SLC9A9: variants seen among roughly 807,000 people sequenced by gnomAD.
SLC9A9 encodes the protein solute carrier family 9 member A9, also known as sodium/hydrogen exchanger 9.
In SLC9A9, 62 loss-of-function variants were observed where a neutral mutation model predicts 77.8. That is an observed-to-expected ratio of 0.80 (90% CI 0.65 to 0.98). The LOEUF (loss-of-function observed/expected upper bound fraction) is 0.98, where lower values mean the gene tolerates loss of function less well. Among genes scored for constraint, SLC9A9 ranks in the 50% least tolerant of loss-of-function variants. SLC9A9 has a pLI of 0.00. For missense variants in SLC9A9, 775 were observed against 774.9 expected, an observed-to-expected ratio of 1.00 and a Z score of 0.00; for synonymous variants, 320 against 283.5, an observed-to-expected ratio of 1.13 and a Z score of -1.29.
At chr3:143,436,265 C>T (rs1216340188) in intron 12 of SLC9A9, among the ~76,000 whole-genome samples, 2 of 152,180 alleles carry the variant, frequency 1.3e-5, no homozygotes, top group East Asian at 1.9e-4. Context: ...GCAGGGTCAC[C>T]GCATGACCTC....
intron 14 of SLC9A9, among the ~76,000 whole-genome samples, chr3:143,298,253 G>A (rs1375444875): frequency 6.6e-6 from 1 of 152,198 alleles, no homozygotes; most frequent in East Asian, 1.9e-4. Context: ...TTTAGAGGTT[G>A]TACTGGGGCA....
At chr3:143,456,113 A>T (rs968997153) in intron 12 of SLC9A9, among the ~76,000 whole-genome samples, 2 of 152,162 alleles carry the variant, frequency 1.3e-5, no homozygotes, top group African/African-American at 4.8e-5. Flanking sequence ...AGTTTTTTTT[A>T]ATCATGAATA....
chr3:143,720,769 G>A (rs116535124), intron 4 of SLC9A9, among the ~76,000 whole-genome samples: 5,211 of 152,260 alleles, frequency 0.034, 289 homozygotes, highest in African/African-American at 0.12. Flanking sequence ...AATGGACAGA[G>A]TGCTGGAAAG....
At chr3:143,293,375 T>G (rs1329283751) in intron 14 of SLC9A9, among the ~76,000 whole-genome samples, 4 of 152,214 alleles carry the variant, frequency 2.6e-5, no homozygotes, top group Non-Finnish European at 5.9e-5. Flanking sequence ...AAAATCAATA[T>G]TGTGTACATA....
rs185013557 is a variant in SLC9A9, at chr3:143,635,382, C to A, written c.755+16873G>T. 1.3e-4 allele frequency among the ~76,000 whole-genome samples: 20 copies of A among 152,232 alleles called. 1 individual carries two copies. In the East Asian group the frequency reaches 3.7e-3, roughly 28 times the overall value. ...TTACACTGAAGGTGGGGCATAGACCCATTTCTGGATAGGAGTGTCAATGAA... is the reference window on the plus strand; with the variant it reads ...TTACACTGAAGGTGGGGCATAGACCAATTTCTGGATAGGAGTGTCAATGAA... On this transcript the variant is annotated intron_variant, in intron 6 of 15. Transcript: ENST00000316549.
At chr3:143,326,638 TC>T (rs1440397486) in intron 14 of SLC9A9, among the ~76,000 whole-genome samples, 2 of 152,146 alleles carry the variant, frequency 1.3e-5, no homozygotes, top group Non-Finnish European at 2.9e-5. Flanking sequence ...AGAAAGCCCT[TC>T]CCCAACTACC....
At chr3:143,504,461 C>A (rs919803091) in intron 9 of SLC9A9, among the ~76,000 whole-genome samples, 3 of 151,898 alleles carry the variant, frequency 2.0e-5, no homozygotes, top group Non-Finnish European at 4.4e-5. Flanking sequence ...ATAATAATGA[C>A]CTTTACCACC....
At chr3:143,765,349 T>C (rs775380439) in intron 4 of SLC9A9, among the ~76,000 whole-genome samples, 40 of 152,158 alleles carry the variant, frequency 2.6e-4, no homozygotes, top group Middle Eastern at 6.8e-3. Flanking sequence ...AAGATTCCTA[T>C]TTTCTAACTT....
intron 11 of SLC9A9, among the ~76,000 whole-genome samples, chr3:143,493,033 T>C (rs746184944): frequency 1.1e-4 from 16 of 152,222 alleles, no homozygotes; most frequent in Non-Finnish European, 2.4e-4. Context: ...AAAGGAGCCT[T>C]GAGGTATGGT....
At chr3:143,459,975 T>C (rs2035161295) in intron 12 of SLC9A9, among the ~76,000 whole-genome samples, 1 of 152,112 alleles carries the variant, frequency 6.6e-6, no homozygotes. Context: ...TGTCACCTTA[T>C]GATTGCTGGG....
chr3:143,329,007 C>T (rs940940849), intron 14 of SLC9A9, among the ~76,000 whole-genome samples: 6 of 152,150 alleles, frequency 3.9e-5, no homozygotes, highest in African/African-American at 7.2e-5. Context: ...ACTTTCCACT[C>T]GAGTTGACCT....
intron 4 of SLC9A9, among the ~76,000 whole-genome samples, chr3:143,748,530 T>C (rs1935252863): frequency 6.6e-6 from 1 of 152,136 alleles, no homozygotes; most frequent in African/African-American, 2.4e-5. Context: ...GCTCTGACCA[T>C]CCAGCAAATA....
At chr3:143,331,369 T>C (rs1038343172) in intron 14 of SLC9A9, among the ~76,000 whole-genome samples, 1 of 152,246 alleles carries the variant, frequency 6.6e-6, no homozygotes, top group Non-Finnish European at 1.5e-5. Flanking sequence ...AAGTATCCTG[T>C]GTAATATTAC....
intron 9 of SLC9A9, among the ~76,000 whole-genome samples, chr3:143,539,731 C>A (rs1018643656): frequency 2.6e-5 from 4 of 152,072 alleles, no homozygotes; most frequent in Non-Finnish European, 2.9e-5. Context: ...AAGCAGGTAC[C>A]AGGCCAGCTG....
At chr3:143,285,509 C>T (rs1938358594) in intron 14 of SLC9A9, among the ~76,000 whole-genome samples, 1 of 152,192 alleles carries the variant, frequency 6.6e-6, no homozygotes, top group Non-Finnish European at 1.5e-5. Context: ...GGCTGCAGCA[C>T]TGTAGTCTAA....
At chr3:143,800,314 T>C (rs1268411253) in intron 2 of SLC9A9, among the ~76,000 whole-genome samples, 1 of 152,194 alleles carries the variant, frequency 6.6e-6, no homozygotes, top group Non-Finnish European at 1.5e-5. Flanking sequence ...GTAAAGCCTG[T>C]TATCACTTGC....
At chr3:143,554,822 T>G (rs1473198596) in intron 8 of SLC9A9, among the ~76,000 whole-genome samples, 1 of 152,192 alleles carries the variant, frequency 6.6e-6, no homozygotes, top group Non-Finnish European at 1.5e-5. Context: ...CTGTTTGGAA[T>G]GCTCTGCAGA....
intron 12 of SLC9A9, among the ~76,000 whole-genome samples, chr3:143,392,208 C>A (rs1402973035): frequency 6.6e-6 from 1 of 152,130 alleles, no homozygotes; most frequent in African/African-American, 2.4e-5. Context: ...AGAGAAAGGT[C>A]GGGTTACCCA....
chr3:143,372,187 CG>C (rs1224105529), intron 13 of SLC9A9, among the ~76,000 whole-genome samples: 2 of 152,194 alleles, frequency 1.3e-5, no homozygotes, highest in East Asian at 3.9e-4. Context: ...AAATAACTAC[CG>C]TTTTTCACAG....
Sources: gnomAD v4.1 joint callset for allele counts (sites outside exome capture counted in the v4.1 genomes callset) on GRCh38, gnomAD v4.1.1 for gene constraint, MANE v1.5 for transcripts, NCBI Gene and HGNC (gene_info 2026-07-23, HGNC 2026-07-21) for gene names.